The following RARB variants were observed in gnomAD, a reference collection of about 807,000 sequenced individuals.
RARB encodes the protein HBV-activated protein.
A neutral mutation model predicts 51.9 loss-of-function variants in RARB; 17 were observed. The observed-to-expected ratio is 0.33, with a 90% CI of 0.22 to 0.49. The LOEUF (loss-of-function observed/expected upper bound fraction) is 0.49. Ranked by LOEUF, RARB falls within the 20% of genes least tolerant of loss-of-function variation. The probability of loss-of-function intolerance (pLI) is 0.99; values close to 1 mark genes in which losing one functional copy is unlikely to be tolerated. For missense variants in RARB, 369 were observed against 550.8 expected, an observed-to-expected ratio of 0.67 and a Z score of 3.30; for synonymous variants, 215 against 195.4, an observed-to-expected ratio of 1.10 and a Z score of -0.84.
At chr3:25,491,224 T>C (rs1461836778) in intron 2 of RARB, among the ~76,000 whole-genome samples, 1 of 152,190 alleles carries the variant, frequency 6.6e-6, no homozygotes, top group African/African-American at 2.4e-5. Context: ...AAATTTTATC[T>C]AGTTTCAAAG....
intron 3 of RARB, among the ~76,000 whole-genome samples, chr3:25,527,516 A>C (rs1158580389): frequency 6.6e-6 from 1 of 152,202 alleles, no homozygotes; most frequent in Non-Finnish European, 1.5e-5. Flanking sequence ...TTCCATCTCC[A>C]AATTGTCTGT....
chr3:24,960,648 C>T (rs1448286046), intron 2 of RARB, among the ~76,000 whole-genome samples: 2 of 152,064 alleles, frequency 1.3e-5, no homozygotes, highest in Non-Finnish European at 2.9e-5. Context: ...AAAACAAAAC[C>T]AGAATAAAAT....
chr3:25,246,816 A>G (rs569362521), intron 5 of RARB, among the ~76,000 whole-genome samples: 2 of 152,156 alleles, frequency 1.3e-5, no homozygotes, highest in Non-Finnish European at 2.9e-5. Context: ...CCACTTGAGG[A>G]CGCAGTCTGT....
chr3:25,425,836 C>T (rs1301735892), upstream of RARB, among the ~76,000 whole-genome samples: 1 of 152,190 alleles, frequency 6.6e-6, no homozygotes, highest in Non-Finnish European at 1.5e-5. Flanking sequence ...CCCATCTTCA[C>T]TTCCCTGGGA....
At chr3:25,522,358 C>T (rs1210798113) in intron 3 of RARB, among the ~76,000 whole-genome samples, 3 of 152,036 alleles carry the variant, frequency 2.0e-5, no homozygotes, top group Non-Finnish European at 4.4e-5. Context: ...GCGCAGGGGG[C>T]GGGGCACGTT....
intron 5 of RARB, among the ~76,000 whole-genome samples, chr3:25,224,795 G>C (rs1315700534): frequency 6.6e-6 from 1 of 151,838 alleles, no homozygotes. Flanking sequence ...TAGTAGAGAC[G>C]GGTTTTGCCA....
At chr3:25,273,852 G>C (rs1184217199) in intron 5 of RARB, among the ~76,000 whole-genome samples, 1 of 152,156 alleles carries the variant, frequency 6.6e-6, no homozygotes, top group African/African-American at 2.4e-5. Context: ...CCTGCTTTTA[G>C]CAACATCCTT....
At position 25,593,646 on chromosome 3, in the gene RARB, G is replaced by A; in HGVS notation, c.930G>A (p.Leu310=). 1 of 1,614,126 alleles carries A rather than the reference G, an allele frequency of 6.2e-7. No individual in the cohort carries two copies. The highest frequency in any genetic ancestry group is 8.5e-7 in the Non-Finnish European group (1 of 1,179,992). Residue 310 remains leucine (L), a synonymous_variant, in exon 6 of 8, where the codon CTG becomes CTA. Transcript: ENST00000330688. ...TGTTCACCTTTGCCAACCAGCTCCT[G>A]CCTTTGGAAATGGATGACACAGAAA... ...DLVFTFANQL[L]PLEMDDTETG...
At chr3:25,566,606 A>C (rs2125684509) in intron 3 of RARB, among the ~76,000 whole-genome samples, 1 of 152,026 alleles carries the variant, frequency 6.6e-6, no homozygotes, top group East Asian at 1.9e-4. Flanking sequence ...ACAGGACCTC[A>C]CCCCTCCCTT....
intron 4 of RARB, among the ~76,000 whole-genome samples, chr3:25,146,780 A>G (rs895897014): frequency 1.3e-5 from 2 of 151,822 alleles, no homozygotes; most frequent in Non-Finnish European, 2.9e-5. Context: ...TGGCCTCCCA[A>G]AGTGCTAGGA....
At chr3:25,433,638 A>G (rs1708299336) in intron 1 of RARB, among the ~76,000 whole-genome samples, 1 of 152,194 alleles carries the variant, frequency 6.6e-6, no homozygotes, top group African/African-American at 2.4e-5. Context: ...GAGTTAACTC[A>G]GGTTTCAGAT....
At chr3:25,589,062 A>G (rs1395469905) in intron 5 of RARB, among the ~76,000 whole-genome samples, 5 of 152,192 alleles carry the variant, frequency 3.3e-5, no homozygotes, top group African/African-American at 1.2e-4. Flanking sequence ...CACACGTTAT[A>G]CCTCAGTTTT....
chr3:25,303,863 G>T (rs1704095988), intron 5 of RARB, among the ~76,000 whole-genome samples: 1 of 152,118 alleles, frequency 6.6e-6, no homozygotes, highest in African/African-American at 2.4e-5. Context: ...AGAGTCCAGG[G>T]TTCAAAGATG....
intron 2 of RARB, among the ~76,000 whole-genome samples, chr3:24,891,379 C>T (rs1188749700): frequency 1.3e-5 from 2 of 152,094 alleles, no homozygotes; most frequent in African/African-American, 4.8e-5. Flanking sequence ...GGGAAAGTTA[C>T]TTGGCTTCCT....
At chr3:24,840,509 G>A (rs1315159536) in intron 1 of RARB, among the ~76,000 whole-genome samples, 1 of 152,064 alleles carries the variant, frequency 6.6e-6, no homozygotes, top group African/African-American at 2.4e-5. Context: ...CCTGATGCAA[G>A]TATTGCTTTC....
chr3:24,832,215 A>C (rs969298368), intron 1 of RARB, among the ~76,000 whole-genome samples: 2 of 152,336 alleles, frequency 1.3e-5, no homozygotes, highest in African/African-American at 4.8e-5. Flanking sequence ...AATCAAGCAT[A>C]TGAATGTTTA....
rs1703139945 is a variant in RARB at position 25,266,931 on chromosome 3, G to A, written c.178+92356G>A. The stretch of plus-strand genomic sequence containing the variant: ...TACATTTCTATTGTTTAAGCCCCCA[G>A]GCTATGCTATCTTGATGTGGCAGCC... On this transcript the variant is annotated intron_variant, in intron 5 of 11. Transcript: ENST00000383772. 2.0e-5 allele frequency among the ~76,000 whole-genome samples: 3 copies of A among 152,268 alleles called. No homozygotes were observed. The South Asian group carries it at 6.2e-4, about 32-fold the overall frequency.
At chr3:24,924,196 C>T (rs955813122) in intron 2 of RARB, among the ~76,000 whole-genome samples, 2 of 152,092 alleles carry the variant, frequency 1.3e-5, no homozygotes, top group Non-Finnish European at 2.9e-5. Context: ...GAAAGAAGCC[C>T]TGAATGTCCT....
intron 4 of RARB, among the ~76,000 whole-genome samples, chr3:25,153,974 A>C (rs1423108994): frequency 1.3e-5 from 2 of 152,202 alleles, no homozygotes; most frequent in African/African-American, 4.8e-5. Flanking sequence ...GTCTCTAAAG[A>C]GGTACATGAA....
Sources: allele counts gnomAD v4.1 joint callset (sites outside exome capture counted in the v4.1 genomes callset), GRCh38; gene constraint gnomAD v4.1.1; transcripts MANE v1.5; gene names NCBI Gene and HGNC (gene_info 2026-07-23, HGNC 2026-07-21).